Variants in TUB observed in about 807,000 individuals in gnomAD.
TUB encodes tubby protein homolog.
In TUB, 33 loss-of-function variants were observed where a neutral mutation model predicts 59.7. That is an observed-to-expected ratio of 0.55 (90% confidence interval 0.42 to 0.74). The LOEUF is 0.74. TUB is among the 30% of genes least tolerant of loss of function. The probability of loss-of-function intolerance (pLI) is 0.00; values close to 1 mark genes in which losing one functional copy is unlikely to be tolerated. For missense variants in TUB, 659 were observed against 672.0 expected, an observed-to-expected ratio of 0.98 and a Z score of 0.21; for synonymous variants, 293 against 256.4, an observed-to-expected ratio of 1.14 and a Z score of -1.36.
Position 8,096,818 on chromosome 11 carries a change from A to G in TUB, c.687+12A>G. 2 of 1,614,072 alleles carry G rather than the reference A, an allele frequency of 1.2e-6. No homozygotes were observed. The highest frequency in any genetic ancestry group is 8.5e-7 in the Non-Finnish European group (1 of 1,179,944). ...GGAAGTCCGTCAGGGTGAGTGAGTG[A>G]GTCTGCATCCACAGCAGTTTTTGGA... On this transcript the variant is annotated intron_variant, in intron 6 of 11. Transcript: ENST00000299506.
intron 2 of TUB, among the ~76,000 whole-genome samples, chr11:8,064,952 G>A (rs911729797): frequency 1.3e-5 from 2 of 152,234 alleles, no homozygotes; most frequent in East Asian, 1.9e-4. Context: ...AGGAGCAGAA[G>A]AGTGATTTGT....
chr11:8,037,518 C>T (rs1206443988), upstream of TUB, among the ~76,000 whole-genome samples: 2 of 152,226 alleles, frequency 1.3e-5, no homozygotes, highest in African/African-American at 4.8e-5. Context: ...TCCAGCTTTG[C>T]ATCTGGGTAT....
chr11:8,040,228 T>G (rs1247733428), intron 2 of TUB, among the ~76,000 whole-genome samples: 1 of 152,234 alleles, frequency 6.6e-6, no homozygotes, highest in Non-Finnish European at 1.5e-5. Flanking sequence ...GGACCTCATT[T>G]GTTGTTTACA....
rs759791140 is a variant in TUB, at chr11:8,100,616, C to T, written c.1215+15C>T. The T allele has an allele frequency of 6.2e-7, 1 of 1,609,520 alleles. No homozygotes were observed. Among genetic ancestry groups the T allele is most frequent in the Non-Finnish European group, 8.5e-7 (1 of 1,176,098 alleles). Reference sequence around the variant, plus strand: ...GCCCCCGCAACGTGAGTGTCTACCCCTTCCTCCCCTCTTTCCCCATCATCC... The same window carrying T: ...GCCCCCGCAACGTGAGTGTCTACCCTTTCCTCCCCTCTTTCCCCATCATCC... On this transcript the variant is annotated intron_variant, in intron 10 of 11. Coordinates refer to ENST00000299506, the MANE Select transcript of TUB (RefSeq NM_177972.3).
At chr11:8,019,811 G>T (rs1320593100) in intron 1 of TUB, among the ~76,000 whole-genome samples, 1 of 151,940 alleles carries the variant, frequency 6.6e-6, no homozygotes, top group Non-Finnish European at 1.5e-5. Context: ...CAGGGACCGA[G>T]GCTGGCCCCG....
At chr11:8,033,918 T>C (rs1218264792), upstream of TUB, among the ~76,000 whole-genome samples, 1 of 152,240 alleles carries the variant, frequency 6.6e-6, no homozygotes, top group East Asian at 1.9e-4. Context: ...GCCAGCATTC[T>C]AGGAGTTCTC....
intron 1 of TUB, among the ~76,000 whole-genome samples, 184 bp from the exon 2 acceptor site, chr11:8,089,426 T>C (rs1034492551): frequency 8.5e-5 from 13 of 152,080 alleles, no homozygotes; most frequent in Non-Finnish European, 5.9e-5. Flanking sequence ...TCGAGCCCTT[T>C]TGGTTCAAGC....
Position 8,101,467 on chromosome 11 carries a change from T to C in TUB, c.1388-19T>C. 6.2e-7 allele frequency: 1 copy of C among 1,614,098 alleles called. No individual in the cohort carries two copies. Among genetic ancestry groups the C allele is most frequent in the Non-Finnish European group, 8.5e-7 (1 of 1,179,976 alleles). On this transcript the variant is annotated intron_variant, in intron 11 of 11. Coordinates refer to ENST00000299506, the MANE Select transcript of TUB (RefSeq NM_177972.3). Reference sequence around the variant, plus strand: ...CCTGTCCTGTCCTTTTCTCTGTCTGTGCCTGTGCTTGGCCCCAGCGGACTA... The same window carrying C: ...CCTGTCCTGTCCTTTTCTCTGTCTGCGCCTGTGCTTGGCCCCAGCGGACTA...
In TUB at chr11:8,096,774, C is replaced by G; in HGVS notation, c.655C>G (p.Pro219Ala). The G allele has an allele frequency of 6.2e-7, 1 of 1,614,150 alleles. No individual in the cohort carries two copies. Among genetic ancestry groups the G allele is most frequent in the Non-Finnish European group, 8.5e-7 (1 of 1,180,002 alleles). ...CTCCCAGCTAAATAGTAACACCCGC[C>G]CCAGCTCTGCTACTAGCAGGAAGTC... ...SSSQLNSNTR[P>A]SSATSRKSVR... is the part of the protein sequence containing the mutation. The change falls in exon 6 of 12, where the codon CCC becomes GCC. Residue 219 changes from proline to alanine, a missense_variant. Around this residue, in one of 3 missense-constraint regions of TUB, gnomAD observed 321 missense variants for 304.3 expected, o/e 1.05. Coordinates refer to ENST00000299506, the MANE Select transcript of TUB (RefSeq NM_177972.3).
At chr11:8,087,133 A>C (rs1020146351) in intron 1 of TUB, among the ~76,000 whole-genome samples, 1 of 152,222 alleles carries the variant, frequency 6.6e-6, no homozygotes, top group African/African-American at 2.4e-5. Flanking sequence ...GAGAGCATTA[A>C]AAGGCACTGG....
At chr11:8,030,451 T>C (rs1942553630) in intron 1 of TUB, among the ~76,000 whole-genome samples, 1 of 152,134 alleles carries the variant, frequency 6.6e-6, no homozygotes, top group Non-Finnish European at 1.5e-5. Context: ...GCCATGTAGT[T>C]TGTCCTGAAG....
chr11:8,101,290 T>C (rs759621744), intron 11 of TUB, among the ~76,000 whole-genome samples, 196 bp from the exon 12 acceptor site: 9 of 152,098 alleles, frequency 5.9e-5, no homozygotes, highest in Non-Finnish European at 1.2e-4. Context: ...CATCTTACTT[T>C]GTCCTTTGCC....
intron 2 of TUB, among the ~76,000 whole-genome samples, chr11:8,042,264 T>C (rs1942763960): frequency 6.6e-6 from 1 of 152,214 alleles, no homozygotes; most frequent in African/African-American, 2.4e-5. Flanking sequence ...TTCCTTAGTA[T>C]AATATTTTCT....
upstream of TUB, chr11:8,076,426 A>G (rs1943449056): frequency 6.6e-6 from 1 of 152,118 alleles, no homozygotes; most frequent in Non-Finnish European, 1.5e-5. Context: ...TAAACCTCCA[A>G]CAACCTTTTT....
intron 2 of TUB, among the ~76,000 whole-genome samples, chr11:8,051,234 A>G (rs1322133799): frequency 6.6e-6 from 1 of 152,188 alleles, no homozygotes; most frequent in Non-Finnish European, 1.5e-5. Flanking sequence ...TGGCAATTAC[A>G]TATGTTTGTG....
At chr11:8,090,033 G>A in intron 2 of TUB, 36 bp from the exon 3 acceptor site, 1 of 1,551,008 alleles carries the variant, frequency 6.4e-7, no homozygotes, top group Non-Finnish European at 8.7e-7. Context: ...CTTCCTGGTG[G>A]AGGCAGTGGG....
rs567010933 is a variant in TUB, at chr11:8,056,233, G to A, written c.203+16541G>A. Among the ~76,000 whole-genome samples the A allele has an allele frequency of 7.9e-5, 12 of 152,212 alleles. No individual in the cohort carries two copies. In the South Asian group the frequency reaches 1.0e-3, roughly 13 times the overall value. On this transcript the variant is annotated intron_variant, in intron 2 of 12. Coordinates refer to the TUB transcript ENST00000305253. ...AAGTGCACCCTAGCTTTCCCACCTC[G>A]TGCTACCAGGATGCCCCTCACTCTC...
At chr11:8,084,451 C>A (rs1272969136) in intron 1 of TUB, among the ~76,000 whole-genome samples, 1 of 152,164 alleles carries the variant, frequency 6.6e-6, no homozygotes, top group Non-Finnish European at 1.5e-5. Context: ...ATATTAAATG[C>A]CCTTAGTACA....
At chr11:8,041,254 G>T (rs1477784485) in intron 2 of TUB, among the ~76,000 whole-genome samples, 1 of 152,160 alleles carries the variant, frequency 6.6e-6, no homozygotes, top group Non-Finnish European at 1.5e-5. Flanking sequence ...CCTGTTGAAA[G>T]GCTCTGCCAG....
Sources: allele counts gnomAD v4.1 joint callset (sites outside exome capture counted in the v4.1 genomes callset), GRCh38; gene constraint gnomAD v4.1.1; regional missense constraint gnomAD v4.1.1; transcripts MANE v1.5; gene names NCBI Gene and HGNC (gene_info 2026-07-23, HGNC 2026-07-21).